Variants in EYA1 observed in about 807,000 individuals in gnomAD.
The protein encoded by EYA1 is EYA transcriptional coactivator and phosphatase 1.
Under a neutral mutation model 82.0 loss-of-function variants are expected in EYA1, and 16 were observed. The ratio of observed to expected loss-of-function variants is 0.20; its 90% CI spans 0.13 to 0.30. The LOEUF is 0.30. Ranked by LOEUF, EYA1 falls within the 10% of genes least tolerant of loss-of-function variation. The pLI is 1.00. For missense variants in EYA1, 633 were observed against 730.7 expected (o/e 0.87, Z 1.54); for synonymous variants, 261 against 264.4 (o/e 0.99, Z 0.12).
intron 7 of EYA1, among the ~76,000 whole-genome samples, chr8:71,301,791 G>A (rs759026511): frequency 6.6e-6 from 1 of 152,084 alleles, no homozygotes; most frequent in Non-Finnish European, 1.5e-5. Context: ...TTTGCATGTG[G>A]TAATTACATG....
intron 2 of EYA1, among the ~76,000 whole-genome samples, chr8:71,398,758 G>T (rs1829779582): frequency 6.6e-6 from 1 of 152,224 alleles, no homozygotes; most frequent in African/African-American, 2.4e-5. Context: ...CCCACTTGAG[G>T]AGGCAGTCTG....
chr8:71,365,892 T>A (rs1827724996), upstream of EYA1, among the ~76,000 whole-genome samples: 1 of 152,236 alleles, frequency 6.6e-6, no homozygotes, highest in Non-Finnish European at 1.5e-5. Flanking sequence ...TGTCTACCAA[T>A]ATTTTGTGAA....
chr8:71,272,309 CAA>C (rs1816643052), intron 9 of EYA1, among the ~76,000 whole-genome samples: 1 of 152,030 alleles, frequency 6.6e-6, no homozygotes, highest in South Asian at 2.1e-4. Flanking sequence ...CTGGTGCATG[CAA>C]AGAGGTGAAA....
At chr8:71,504,807 G>A (rs114147770) in intron 2 of EYA1, among the ~76,000 whole-genome samples, 7,894 of 151,782 alleles carry the variant, frequency 0.052, 684 homozygotes, top group African/African-American at 0.18. Context: ...TTTGTTTTTT[G>A]TTTTATTTTT....
At chr8:71,345,427 G>A (rs1825589855) in intron 3 of EYA1, among the ~76,000 whole-genome samples, 1 of 152,176 alleles carries the variant, frequency 6.6e-6, no homozygotes, top group South Asian at 2.1e-4. Flanking sequence ...AGTTAAGTAA[G>A]TATTCATCAT....
Position 71,355,017 on chromosome 8 carries a change from T to A in EYA1, c.-4-108A>T. ...GAAACACACTTGCACAAAAGTCCCATTGTATCTATTTCTTAGACTCAAAAT... is the reference window on the plus strand; with the variant it reads ...GAAACACACTTGCACAAAAGTCCCAATGTATCTATTTCTTAGACTCAAAAT... On this transcript the variant is annotated intron_variant, in intron 2 of 17. Coordinates refer to ENST00000340726, the MANE Select transcript of EYA1 (RefSeq NM_000503.6). The A allele has an allele frequency of 2.7e-6, 3 of 1,102,680 alleles. No homozygotes were observed. In the South Asian group the frequency reaches 3.7e-5, roughly 14 times the overall value. The allele number at this position is 1,102,680 out of a possible 1,614,324, so 68.3% of individuals were successfully genotyped here.
chr8:71,247,446 A>T (rs1043667743), intron 11 of EYA1, among the ~76,000 whole-genome samples: 2 of 152,168 alleles, frequency 1.3e-5, no homozygotes, highest in African/African-American at 4.8e-5. Flanking sequence ...GCAGAGAGGA[A>T]ATAAAGATGC....
intron 2 of EYA1, among the ~76,000 whole-genome samples, chr8:71,500,776 TAC>T (rs1376380856): frequency 1.3e-5 from 2 of 151,996 alleles, no homozygotes; most frequent in African/African-American, 4.8e-5. Flanking sequence ...CACATACACA[TAC>T]ACACACACAT....
intron 2 of EYA1, among the ~76,000 whole-genome samples, chr8:71,471,883 T>G (rs2129201655): frequency 6.6e-6 from 1 of 152,212 alleles, no homozygotes; most frequent in South Asian, 2.1e-4. Context: ...ATAGCCCATC[T>G]TTGTCTCCCT....
chr8:71,230,571 G>C (rs1344031020), intron 12 of EYA1, among the ~76,000 whole-genome samples: 1 of 152,198 alleles, frequency 6.6e-6, no homozygotes, highest in African/African-American at 2.4e-5. Context: ...GGTTGACTGT[G>C]TGGAGGCCAT....
chr8:71,241,964 G>A (rs374450049), intron 12 of EYA1, among the ~76,000 whole-genome samples: 14 of 152,116 alleles, frequency 9.2e-5, no homozygotes, highest in African/African-American at 3.1e-4. Context: ...CAGTGCCTTG[G>A]GTGGGTGGCC....
intron 7 of EYA1, among the ~76,000 whole-genome samples, chr8:71,300,047 C>A (rs1051203226): frequency 6.6e-6 from 1 of 152,078 alleles, no homozygotes; most frequent in African/African-American, 2.4e-5. Flanking sequence ...ATATTAAATT[C>A]ACATAATGTA....
At chr8:71,380,890 T>C (rs892276539) in intron 2 of EYA1, among the ~76,000 whole-genome samples, 1 of 152,232 alleles carries the variant, frequency 6.6e-6, no homozygotes, top group Non-Finnish European at 1.5e-5. Context: ...TTACCTCTCC[T>C]GTCCTCAACC....
At chr8:71,379,817 C>T (rs1828591347) in intron 2 of EYA1, among the ~76,000 whole-genome samples, 1 of 143,880 alleles carries the variant, frequency 7.0e-6, no homozygotes, top group Non-Finnish European at 1.5e-5. Flanking sequence ...TTGGCATAAG[C>T]AACTCCATCT....
At chr8:71,267,184 G>A (rs916097696) in intron 11 of EYA1, among the ~76,000 whole-genome samples, 6 of 152,158 alleles carry the variant, frequency 3.9e-5, no homozygotes, top group African/African-American at 1.2e-4. Context: ...TAGCCCTGTT[G>A]ACTGTGTGTG....
intron 2 of EYA1, among the ~76,000 whole-genome samples, chr8:71,475,551 C>T (rs1412660958): frequency 6.6e-6 from 1 of 152,000 alleles, no homozygotes; most frequent in East Asian, 1.9e-4. Context: ...GTGAACATAC[C>T]TTTATTATAT....
intron 6 of EYA1, among the ~76,000 whole-genome samples, chr8:71,320,220 T>C (rs1014447109): frequency 6.6e-6 from 1 of 151,676 alleles, no homozygotes; most frequent in South Asian, 2.1e-4. Flanking sequence ...CCACCAAGAC[T>C]GAATGGGGAG....
At chr8:71,447,590 T>C (rs187397420) in intron 2 of EYA1, among the ~76,000 whole-genome samples, 9 of 152,220 alleles carry the variant, frequency 5.9e-5, no homozygotes, top group African/African-American at 9.7e-5. Flanking sequence ...CACTGAATGC[T>C]AATACAGGCA....
intron 4 of EYA1, among the ~76,000 whole-genome samples, chr8:71,329,447 T>C (rs1233884955): frequency 1.3e-5 from 2 of 152,174 alleles, no homozygotes; most frequent in Non-Finnish European, 2.9e-5. Flanking sequence ...CACTCTACCA[T>C]ACAGGCCCAT....
Sources: allele counts gnomAD v4.1 joint callset (sites outside exome capture counted in the v4.1 genomes callset), GRCh38; gene constraint gnomAD v4.1.1; transcripts MANE v1.5; gene names NCBI Gene and HGNC (gene_info 2026-07-23, HGNC 2026-07-21).